The following BABAM2 variants were observed in gnomAD, a reference collection of about 807,000 sequenced individuals.
BABAM2 encodes BRISC and BRCA1-A complex member 2.
Under a neutral mutation model 54.7 loss-of-function variants are expected in BABAM2, and 31 were observed. The ratio of observed to expected loss-of-function variants is 0.57; its 90% CI spans 0.43 to 0.77. BABAM2 has a LOEUF of 0.77. Among genes scored for constraint, BABAM2 ranks in the 30% least tolerant of loss-of-function variants. The probability of loss-of-function intolerance (pLI) is 0.00; values close to 1 mark genes in which losing one functional copy is unlikely to be tolerated. For synonymous variants in BABAM2, 167 were observed against 162.9 expected, an observed-to-expected ratio of 1.03 and a Z score of -0.19; for missense variants, 364 against 455.8, an observed-to-expected ratio of 0.80 and a Z score of 1.83.
intron 3 of BABAM2, among the ~76,000 whole-genome samples, chr2:27,936,302 G>T (rs921907782): frequency 6.6e-6 from 1 of 152,148 alleles, no homozygotes; most frequent in African/African-American, 2.4e-5. Flanking sequence ...GAAACAACAG[G>T]TGCTGGAGAG....
intron 6 of BABAM2, among the ~76,000 whole-genome samples, chr2:28,057,563 G>A (rs1005693278): frequency 2.0e-5 from 3 of 151,850 alleles, no homozygotes; most frequent in Non-Finnish European, 4.4e-5. Flanking sequence ...TCTTAAAGGT[G>A]CCACCTGGCA....
chr2:28,268,541 A>T (rs1685170484), intron 10 of BABAM2, among the ~76,000 whole-genome samples: 1 of 152,256 alleles, frequency 6.6e-6, no homozygotes, highest in South Asian at 2.1e-4. Flanking sequence ...CATAATTTTT[A>T]AAAGAATGAA....
chr2:27,916,032 A>G (rs1351229792), intron 2 of BABAM2, among the ~76,000 whole-genome samples: 1 of 152,222 alleles, frequency 6.6e-6, no homozygotes, highest in Non-Finnish European at 1.5e-5. Flanking sequence ...TGAGATACAA[A>G]CATAAATAAA....
intron 2 of BABAM2, among the ~76,000 whole-genome samples, chr2:27,928,983 T>G (rs1573190624): frequency 7.4e-6 from 1 of 135,848 alleles, no homozygotes; most frequent in Non-Finnish European, 1.6e-5. Flanking sequence ...GGAGGCTAGG[T>G]GGGAGGAGGA....
chr2:28,084,937 G>T (rs1206741821), intron 6 of BABAM2, among the ~76,000 whole-genome samples: 1 of 152,122 alleles, frequency 6.6e-6, no homozygotes, highest in Non-Finnish European at 1.5e-5. Flanking sequence ...ATTTTACTTA[G>T]TGAAGTATTA....
chr2:28,189,100 C>T (rs1175089527), intron 7 of BABAM2, among the ~76,000 whole-genome samples: 1 of 151,848 alleles, frequency 6.6e-6, no homozygotes, highest in Admixed American at 6.6e-5. Context: ...ACTCAGGAGT[C>T]TGAGGCAGGA....
intron 3 of BABAM2, among the ~76,000 whole-genome samples, chr2:27,972,711 A>G (rs1252279735): frequency 6.6e-6 from 1 of 151,860 alleles, no homozygotes; most frequent in Non-Finnish European, 1.5e-5. Context: ...TATTTTGTAT[A>G]TCTTGGCTAA....
intron 3 of BABAM2, among the ~76,000 whole-genome samples, chr2:27,954,736 AATTAAT>A (rs1669968584): frequency 1.3e-5 from 2 of 152,198 alleles, no homozygotes; most frequent in South Asian, 2.1e-4. Context: ...ACTTTCGTCG[AATTAAT>A]ATTAATGTTA....
At chr2:28,224,900 C>T (rs1680746898) in intron 7 of BABAM2, among the ~76,000 whole-genome samples, 1 of 148,816 alleles carries the variant, frequency 6.7e-6, no homozygotes, top group Non-Finnish European at 1.5e-5. Flanking sequence ...CTCAAGGCAG[C>T]TTTTGTGGTT....
intron 6 of BABAM2, among the ~76,000 whole-genome samples, chr2:28,126,849 A>G (rs1432013222): frequency 6.8e-6 from 1 of 146,720 alleles, no homozygotes; most frequent in Non-Finnish European, 1.5e-5. Context: ...TTGGTGTGAG[A>G]TGGTATCTCA....
rs147669549 is a variant in BABAM2 at position 28,009,534 on chromosome 2, G to A, written c.301-15692G>A. 9.2e-5 allele frequency among the ~76,000 whole-genome samples: 14 copies of A among 152,230 alleles called. No individual in the cohort carries two copies. In the East Asian group the frequency reaches 2.5e-3, roughly 27 times the overall value. ...TTAATGCTTTGTTAAGGTTCGTGAA[G>A]CACTTCATTGGAGAGAGTATGTCTT... is the stretch of plus-strand genomic sequence containing the variant. On this transcript the variant is annotated intron_variant, in intron 4 of 11. Transcript: ENST00000379624.
chr2:27,928,668 G>A (rs759521049), intron 2 of BABAM2, among the ~76,000 whole-genome samples: 3 of 152,022 alleles, frequency 2.0e-5, no homozygotes, highest in African/African-American at 7.3e-5. Context: ...TTGCTTCACA[G>A]CCAGTTTTGG....
At chr2:28,260,334 C>T (rs1423335633) in intron 10 of BABAM2, among the ~76,000 whole-genome samples, 3 of 125,420 alleles carry the variant, frequency 2.4e-5, no homozygotes, top group Non-Finnish European at 4.8e-5. Flanking sequence ...TGGAGTCTTG[C>T]TCTATCATCC....
At chr2:28,205,595 C>T (rs1678760973) in intron 7 of BABAM2, among the ~76,000 whole-genome samples, 1 of 152,140 alleles carries the variant, frequency 6.6e-6, no homozygotes, top group African/African-American at 2.4e-5. Flanking sequence ...TGCCCAAGTT[C>T]CTTACAATGT....
intron 3 of BABAM2, among the ~76,000 whole-genome samples, chr2:27,984,346 T>C (rs1369973706): frequency 6.6e-6 from 1 of 152,132 alleles, no homozygotes; most frequent in Non-Finnish European, 1.5e-5. Context: ...TTGCTGTGTA[T>C]ATTTGAAAGA....
chr2:27,933,828 C>G (rs918125540), intron 3 of BABAM2, among the ~76,000 whole-genome samples: 1 of 148,692 alleles, frequency 6.7e-6, no homozygotes, highest in African/African-American at 2.5e-5. Context: ...ACTTGAACTC[C>G]TGGGCTCAAG....
At chr2:27,978,566 A>T (rs1671759274) in intron 3 of BABAM2, among the ~76,000 whole-genome samples, 1 of 152,196 alleles carries the variant, frequency 6.6e-6, no homozygotes, top group Non-Finnish European at 1.5e-5. Context: ...GTCAGTAATC[A>T]TTTAATGCAG....
At chr2:28,033,617 C>T (rs909583454) in intron 5 of BABAM2, among the ~76,000 whole-genome samples, 6 of 152,124 alleles carry the variant, frequency 3.9e-5, no homozygotes, top group African/African-American at 1.4e-4. Context: ...AAAGGCCCCA[C>T]CTCTTAATAC....
At chr2:27,972,972 T>C (rs1671332081) in intron 3 of BABAM2, among the ~76,000 whole-genome samples, 1 of 151,948 alleles carries the variant, frequency 6.6e-6, no homozygotes, top group African/African-American at 2.4e-5. Context: ...TTCATCATGT[T>C]GGCCAGGCTG....
Sources: gnomAD v4.1 joint callset for allele counts (sites outside exome capture counted in the v4.1 genomes callset) on GRCh38, gnomAD v4.1.1 for gene constraint, MANE v1.5 for transcripts, NCBI Gene and HGNC (gene_info 2026-07-23, HGNC 2026-07-21) for gene names.